Variants in SLC12A7 observed in about 807,000 individuals in gnomAD.
The protein encoded by SLC12A7 is solute carrier family 12 member 7, also known as K-Cl cotransporter 4.
SLC12A7 carries 100 observed loss-of-function variants against 120.6 expected under a neutral mutation model. The observed-to-expected ratio is 0.83, with a 90% CI of 0.71 to 0.98. The LOEUF is 0.98. SLC12A7 is among the 50% of genes least tolerant of loss of function. The probability of loss-of-function intolerance (pLI) is 0.00; values close to 1 mark genes in which losing one functional copy is unlikely to be tolerated. For missense variants in SLC12A7, 1,373 were observed against 1,548.1 expected (o/e 0.89, Z 1.90); for synonymous variants, 760 against 678.0 (o/e 1.12, Z -1.88).
chr5:1,101,147 G>A (rs866682960), intron 1 of SLC12A7, among the ~76,000 whole-genome samples: 3 of 152,124 alleles, frequency 2.0e-5, no homozygotes, highest in East Asian at 3.9e-4. Context: ...GCCCCTCCTC[G>A]CTCACCTGCC....
At chr5:1,121,938 C>T in the SLC12A7 span, among the ~76,000 whole-genome samples, 1 of 152,200 alleles carries the variant, frequency 6.6e-6, no homozygotes, top group African/African-American at 2.4e-5. Context: ...TCAGCGCCCA[C>T]CCTAGGCCTG....
the SLC12A7 span, among the ~76,000 whole-genome samples, chr5:1,140,204 C>T: frequency 6.6e-6 from 1 of 152,234 alleles, no homozygotes; most frequent in Admixed American, 6.5e-5. Context: ...AGCCCCGGCC[C>T]ACCTGCATGC....
chr5:1,148,451 T>C, the SLC12A7 span, among the ~76,000 whole-genome samples: 1 of 152,176 alleles, frequency 6.6e-6, no homozygotes, highest in African/African-American at 2.4e-5. Context: ...GTGATCCACC[T>C]GCTTTGGCCT....
intron 1 of SLC12A7, among the ~76,000 whole-genome samples, chr5:1,110,124 C>T (rs992845005): frequency 6.6e-6 from 1 of 152,272 alleles, no homozygotes; most frequent in African/African-American, 2.4e-5. Context: ...AGGGCAGCTG[C>T]GTGCCCGTTA....
At chr5:1,097,851 C>A (rs1401552873) in intron 1 of SLC12A7, among the ~76,000 whole-genome samples, 1 of 152,260 alleles carries the variant, frequency 6.6e-6, no homozygotes, top group Non-Finnish European at 1.5e-5. Context: ...TCTCCCCTCA[C>A]TTTCTTGAGA....
At chr5:1,077,124 C>G (rs1308356654) in intron 12 of SLC12A7, among the ~76,000 whole-genome samples, 1 of 141,126 alleles carries the variant, frequency 7.1e-6, no homozygotes, top group Non-Finnish European at 1.5e-5. Flanking sequence ...CTCGCGGTTC[C>G]CCAGACCCTG....
chr5:1,134,956 G>A, the SLC12A7 span, among the ~76,000 whole-genome samples: 8 of 152,206 alleles, frequency 5.3e-5, no homozygotes, highest in East Asian at 1.9e-4. Context: ...GTGAAACCCC[G>A]TCTCTACCAA....
intron 23 of SLC12A7, 69 bp downstream of exon 23, chr5:1,053,280 C>G: frequency 1.3e-6 from 2 of 1,556,606 alleles, no homozygotes; most frequent in Middle Eastern, 1.7e-4. Flanking sequence ...CACCCACAAA[C>G]CCAGGTCTTA....
At position 1,076,252 on chromosome 5, in the gene SLC12A7, G is replaced by A. The variant is rs781116999; in HGVS notation, c.1749-16C>T. 1.6e-5 allele frequency: 25 copies of A among 1,591,468 alleles called. No homozygotes were observed. Among genetic ancestry groups the A allele is most frequent in the Non-Finnish European group, 2.1e-5 (24 of 1,169,656 alleles). Reference sequence around the variant, plus strand: ...GAGGAAGAACCTGCAGGGACGGCCGGCCACTGATACGGGCCCACTGGGCCC... The same window carrying A: ...GAGGAAGAACCTGCAGGGACGGCCGACCACTGATACGGGCCCACTGGGCCC... On this transcript the variant is annotated splice_polypyrimidine_tract_variant and intron_variant, in intron 13 of 23. Transcript: ENST00000264930.
chr5:1,092,264 C>T (rs1395963640), intron 3 of SLC12A7, among the ~76,000 whole-genome samples: 1 of 152,252 alleles, frequency 6.6e-6, no homozygotes, highest in East Asian at 1.9e-4. Context: ...CCCAGGTCAG[C>T]AGAACACTGG....
the SLC12A7 span, among the ~76,000 whole-genome samples, chr5:1,140,249 C>A: frequency 6.6e-6 from 1 of 152,324 alleles, no homozygotes; most frequent in South Asian, 2.1e-4. Flanking sequence ...CAGGCAGATC[C>A]CCCTCCTGAG....
the SLC12A7 span, among the ~76,000 whole-genome samples, chr5:1,146,786 T>A: frequency 6.6e-6 from 1 of 152,172 alleles, no homozygotes; most frequent in Non-Finnish European, 1.5e-5. This position sits in a 1 kb window ranked among gnomAD's most constrained non-coding sequence, Gnocchi z 6.5. Context: ...TTTCTATTGA[T>A]AGTAACTCCC....
At chr5:1,105,337 G>A (rs535932837) in intron 1 of SLC12A7, among the ~76,000 whole-genome samples, 1 of 148,840 alleles carries the variant, frequency 6.7e-6, no homozygotes, top group African/African-American at 2.5e-5. Context: ...AGGTCCTGCA[G>A]TCACCCACCA....
At chr5:1,126,695 G>A in the SLC12A7 span, among the ~76,000 whole-genome samples, 156 of 152,230 alleles carry the variant, frequency 1.0e-3, 1 homozygote, top group African/African-American at 3.5e-3. Context: ...GTGTCCATGC[G>A]TTCTCATCGT....
At chr5:1,085,036 G>A (rs1739659882) in intron 7 of SLC12A7, among the ~76,000 whole-genome samples, 196 bp downstream of exon 7, 1 of 152,220 alleles carries the variant, frequency 6.6e-6, no homozygotes, top group Non-Finnish European at 1.5e-5. Flanking sequence ...CGGCCACGAG[G>A]GTACCTCGGC....
chr5:1,136,805 G>A, the SLC12A7 span, among the ~76,000 whole-genome samples: 80 of 124,650 alleles, frequency 6.4e-4, no homozygotes, highest in South Asian at 0.02. Context: ...AGGCACACAC[G>A]TGCTCAGACA....
Position 1,083,891 on chromosome 5 carries a change from C to T in SLC12A7, c.983G>A (p.Gly328Asp), listed in dbSNP as rs754888756. The T allele has an allele frequency of 1.9e-6, 3 of 1,608,348 alleles. No individual in the cohort carries two copies. The highest frequency in any genetic ancestry group is 2.2e-5 in the South Asian group (2 of 90,616). ...RSFDACVKAY[G>D]IHNNSATSAL... ...GGAGGTGGCTGAGTTGTTGTGGATG[C>T]CGTAGGCCTTGACGCAGGCATCGAA... is the stretch of plus-strand genomic sequence containing the variant. The change falls in exon 8 of 24, where the codon GGC (glycine) becomes GAC (aspartate). Residue 328 changes from glycine (G) to aspartate (D), a missense_variant. By Grantham distance (94) the Gly-to-Asp change is moderately conservative. Coordinates refer to ENST00000264930, the MANE Select transcript of SLC12A7 (RefSeq NM_006598.3).
chr5:1,137,379 T>A, the SLC12A7 span, among the ~76,000 whole-genome samples: 1 of 152,060 alleles, frequency 6.6e-6, no homozygotes, highest in Admixed American at 6.5e-5. Context: ...CAGGACTCCA[T>A]CCCTGACTGC....
intron 7 of SLC12A7, among the ~76,000 whole-genome samples, chr5:1,084,703 T>G (rs1281573022): frequency 6.6e-6 from 1 of 152,070 alleles, no homozygotes; most frequent in Admixed American, 6.5e-5. Flanking sequence ...AGGGGCTCCC[T>G]CCACGCAGAG....
Sources: gnomAD v4.1 joint callset for allele counts (sites outside exome capture counted in the v4.1 genomes callset) on GRCh38, gnomAD v4.1.1 for gene constraint, Gnocchi (gnomAD v3.1) non-coding constraint, MANE v1.5 for transcripts, NCBI Gene and HGNC (gene_info 2026-07-23, HGNC 2026-07-21) for gene names.